Variants in SYNPR observed in about 807,000 individuals in gnomAD.
The protein encoded by SYNPR is synaptoporin.
A neutral mutation model predicts 32.9 loss-of-function variants in SYNPR; 23 were observed. The observed-to-expected ratio is 0.70, with a 90% CI of 0.50 to 0.99. SYNPR has a LOEUF of 0.99. Among genes scored for constraint, SYNPR ranks in the 50% least tolerant of loss-of-function variants. SYNPR has a pLI of 0.00. For missense variants in SYNPR, 318 were observed against 349.3 expected, an observed-to-expected ratio of 0.91 and a Z score of 0.71; for synonymous variants, 146 against 135.9, an observed-to-expected ratio of 1.07 and a Z score of -0.52.
At chr3:63,549,383 A>G (rs1256505244) in intron 3 of SYNPR, among the ~76,000 whole-genome samples, 2 of 152,208 alleles carry the variant, frequency 1.3e-5, no homozygotes, top group Non-Finnish European at 2.9e-5. Flanking sequence ...TTTTTAAAGA[A>G]GAGAGGCAGG....
chr3:63,256,129 C>A (rs1165579325), intron 2 of SYNPR, among the ~76,000 whole-genome samples: 2 of 152,222 alleles, frequency 1.3e-5, no homozygotes, highest in African/African-American at 2.4e-5. Flanking sequence ...CCTCTGTAGG[C>A]TCCACCTCTG....
intron 2 of SYNPR, among the ~76,000 whole-genome samples, chr3:63,263,341 T>C (rs2086454982): frequency 6.6e-6 from 1 of 152,200 alleles, no homozygotes; most frequent in African/African-American, 2.4e-5. Context: ...CAAAGTGTAA[T>C]ATCCTTTTCA....
chr3:63,585,173 T>A (rs1473213003), intron 4 of SYNPR, among the ~76,000 whole-genome samples: 1 of 152,164 alleles, frequency 6.6e-6, no homozygotes, highest in Non-Finnish European at 1.5e-5. Context: ...TTCTAACAGT[T>A]ATATATTGGA....
chr3:63,574,139 A>C (rs1702938472), intron 4 of SYNPR, among the ~76,000 whole-genome samples: 1 of 152,226 alleles, frequency 6.6e-6, no homozygotes, highest in South Asian at 2.1e-4. Flanking sequence ...TAACTACTAG[A>C]AAATCTGCCC....
intron 2 of SYNPR, among the ~76,000 whole-genome samples, chr3:63,302,699 T>C (rs1354805053): frequency 6.7e-6 from 1 of 149,996 alleles, no homozygotes; most frequent in Non-Finnish European, 1.5e-5. Context: ...CAATTTAACA[T>C]GTCTTTAAAT....
intron 3 of SYNPR, among the ~76,000 whole-genome samples, chr3:63,508,204 T>A (rs958953699): frequency 6.6e-6 from 1 of 152,208 alleles, no homozygotes; most frequent in Middle Eastern, 3.4e-3. Context: ...TCTGTGAGGA[T>A]TTTGTTCTTT....
intron 2 of SYNPR, among the ~76,000 whole-genome samples, chr3:63,414,923 A>G (rs1197697331): frequency 1.3e-5 from 2 of 152,182 alleles, no homozygotes; most frequent in African/African-American, 4.8e-5. Context: ...TTTATCTCTA[A>G]AAGTGCAAAA....
chr3:63,313,786 TATATATATATCCATATATATATCC>T (rs1336840277), intron 2 of SYNPR, among the ~76,000 whole-genome samples: 8 of 14,242 alleles, frequency 5.6e-4, no homozygotes, highest in African/African-American at 2.9e-3. Context: ...TATATATCCA[TATATATATATCCATATATATATCC>T]ATATATATAT....
At chr3:63,408,047 T>C (rs1000304325) in intron 2 of SYNPR, among the ~76,000 whole-genome samples, 1 of 151,418 alleles carries the variant, frequency 6.6e-6, no homozygotes, top group Non-Finnish European at 1.5e-5. Context: ...GTGGTTTCCC[T>C]AATGGCAGTG....
At chr3:63,331,595 A>G (rs1210747007) in intron 2 of SYNPR, among the ~76,000 whole-genome samples, 2 of 152,148 alleles carry the variant, frequency 1.3e-5, no homozygotes, top group Admixed American at 6.5e-5. Flanking sequence ...CTGAAAGGCC[A>G]GTAGTCTAGA....
At chr3:63,582,494 C>A (rs1703109628) in intron 4 of SYNPR, among the ~76,000 whole-genome samples, 1 of 152,014 alleles carries the variant, frequency 6.6e-6, no homozygotes, top group Non-Finnish European at 1.5e-5. Context: ...TATTATTGGA[C>A]TTTTGTCTGA....
chr3:63,416,321 C>T (rs368602907), intron 2 of SYNPR, among the ~76,000 whole-genome samples: 42 of 152,030 alleles, frequency 2.8e-4, no homozygotes, highest in South Asian at 1.7e-3. Flanking sequence ...ACCTGAGGTT[C>T]GGAGCTTGAG....
intron 2 of SYNPR, among the ~76,000 whole-genome samples, chr3:63,319,191 C>G (rs1001182090): frequency 6.6e-6 from 1 of 151,962 alleles, no homozygotes; most frequent in African/African-American, 2.4e-5. Context: ...TGTCCTTTCT[C>G]CAATGTATGT....
rs113411557 is a variant in SYNPR at position 63,397,560 on chromosome 3, T to C, written c.85-83272T>C. Among the ~76,000 whole-genome samples, 245 of 152,296 alleles carry C rather than the reference T, an allele frequency of 1.6e-3. 4 individuals are homozygous for C. The highest frequency in any genetic ancestry group is 0.01 in the Middle Eastern group (3 of 294). On this transcript the variant is annotated intron_variant, in intron 2 of 5. Transcript: ENST00000478300. ...TCCTGGACCCAGAGAATGACAGTTA[T>C]AAAACCACTACATTCAGCAATTCCT... is the stretch of plus-strand genomic sequence containing the variant.
intron 3 of SYNPR, among the ~76,000 whole-genome samples, chr3:63,538,541 G>A (rs1055815270): frequency 6.6e-6 from 1 of 151,792 alleles, no homozygotes; most frequent in Non-Finnish European, 1.5e-5. Context: ...ATTGATTTTG[G>A]GCTTGGTAAG....
chr3:63,264,823 G>A (rs59543406), intron 2 of SYNPR, among the ~76,000 whole-genome samples: 2,017 of 152,192 alleles, frequency 0.013, 41 homozygotes, highest in African/African-American at 0.046. Flanking sequence ...AGGACGGAGT[G>A]AGGGCAAGCC....
intron 2 of SYNPR, among the ~76,000 whole-genome samples, chr3:63,352,358 G>A (rs1223738473): frequency 6.6e-6 from 1 of 152,166 alleles, no homozygotes; most frequent in Non-Finnish European, 1.5e-5. Context: ...GATTCGGCTG[G>A]AAAATCTGAT....
At chr3:63,260,981 G>A (rs1470347278) in intron 2 of SYNPR, among the ~76,000 whole-genome samples, 1 of 152,082 alleles carries the variant, frequency 6.6e-6, no homozygotes, top group Admixed American at 6.5e-5. Context: ...ATCATCACTG[G>A]CCATCTGAGA....
intron 3 of SYNPR, among the ~76,000 whole-genome samples, chr3:63,536,261 TATAAC>T (rs910531147): frequency 1.9e-4 from 29 of 152,126 alleles, no homozygotes; most frequent in African/African-American, 7.0e-4. Flanking sequence ...GAAGAATTCT[TATAAC>T]TTAACAATAA....
Sources: gnomAD v4.1 joint callset for allele counts (sites outside exome capture counted in the v4.1 genomes callset) on GRCh38, gnomAD v4.1.1 for gene constraint, MANE v1.5 for transcripts, NCBI Gene and HGNC (gene_info 2026-07-23, HGNC 2026-07-21) for gene names.